The following ZHX3 variants were observed in gnomAD, a reference collection of about 807,000 sequenced individuals.
ZHX3 encodes zinc fingers and homeoboxes protein 3.
ZHX3 carries 20 observed loss-of-function variants against 64.5 expected under a neutral mutation model. That is an observed-to-expected ratio of 0.31 (90% CI 0.22 to 0.45). The LOEUF (loss-of-function observed/expected upper bound fraction) is 0.45, where lower values mean the gene tolerates loss of function less well. Among genes scored for constraint, ZHX3 ranks in the 20% least tolerant of loss-of-function variants. The pLI is 1.00. For missense variants in ZHX3, 1,041 were observed against 1,195.8 expected, an observed-to-expected ratio of 0.87 and a Z score of 1.91; for synonymous variants, 423 against 461.6, an observed-to-expected ratio of 0.92 and a Z score of 1.07.
chr20:41,218,727 T>A lies in ZHX3; in HGVS notation c.-150-13661A>T, dbSNP rs907755353. Among the ~76,000 whole-genome samples the A allele has an allele frequency of 1.1e-4, 17 of 152,140 alleles. 1 individual carries two copies. Among genetic ancestry groups the A allele is most frequent in the Admixed American group, 2.0e-4 (3 of 15,274 alleles). On this transcript the variant is annotated intron_variant, in intron 2 of 3. Coordinates refer to ENST00000683867, the MANE Select transcript of ZHX3 (RefSeq NM_001384317.1). ...GATGTGCTGGTTGCAATTGTCAGAT[T>A]TCTGCTGAAAACAAAAAAGTTACAA...
chr20:41,229,906 G>A (rs1372550274), intron 2 of ZHX3, among the ~76,000 whole-genome samples: 3 of 152,050 alleles, frequency 2.0e-5, no homozygotes, highest in Non-Finnish European at 4.4e-5. Flanking sequence ...TTAGGTCTTC[G>A]ATTCATTTTG....
intron 1 of ZHX3, among the ~76,000 whole-genome samples, chr20:41,286,844 T>C (rs2043961045): frequency 6.6e-6 from 1 of 152,200 alleles, no homozygotes; most frequent in African/African-American, 2.4e-5. Flanking sequence ...TTCTCCATGC[T>C]GTTCTCATGA....
Position 41,202,421 on chromosome 20 carries a change from T to C in ZHX3, c.2496A>G (p.Arg832=), listed in dbSNP as rs1180479492. ...CCAGTAGCCCTGGTGGGAAGTTGCCTCGCTTATAGTCTTCGTACCATTTGA... is the reference window on the plus strand; with the variant it reads ...CCAGTAGCCCTGGTGGGAAGTTGCCCCGCTTATAGTCTTCGTACCATTTGA... ...GQLKWYEDYK[R]GNFPPGLLVI... is the part of the protein sequence containing the mutation. Residue 832 remains arginine, a synonymous_variant, in exon 3 of 4, where the codon CGA becomes CGG. Coordinates refer to ENST00000683867, the MANE Select transcript of ZHX3 (RefSeq NM_001384317.1). The surrounding 1 kb of genome is among the most constrained non-coding windows in gnomAD (Gnocchi z 7.0). 1.1e-5 allele frequency: 17 copies of C among 1,614,012 alleles called. No individual in the cohort carries two copies. Among genetic ancestry groups the C allele is most frequent in the Non-Finnish European group, 1.4e-5 (17 of 1,179,994 alleles).
intron 1 of ZHX3, among the ~76,000 whole-genome samples, chr20:41,276,322 C>G (rs940831030): frequency 6.6e-6 from 1 of 151,996 alleles, no homozygotes; most frequent in African/African-American, 2.4e-5. Context: ...AGAGTATATC[C>G]TAGTACTCCT....
In ZHX3 at chr20:41,202,534, C is replaced by A; in HGVS notation, c.2383G>T (p.Asp795Tyr). 6.2e-7 allele frequency: 1 copy of A among 1,614,192 alleles called. No individual in the cohort carries two copies. Among genetic ancestry groups the A allele is most frequent in the South Asian group, 1.1e-5 (1 of 91,072 alleles). ...AGACCCGTCTGGGCCATGATGGAGT[C>A]ATAGTCCTGGTTGCTTGGCCACTGT... ...QTQWPSNQDY[D>Y]SIMAQTGLPR... The change falls in exon 3 of 4, where the codon GAC (aspartate) becomes TAC (tyrosine). Residue 795 changes from aspartate (D) to tyrosine (Y), a missense_variant. This residue lies in a region of ZHX3 where 649 missense variants were observed against 739.8 expected (regional missense o/e 0.88). Transcript: ENST00000683867. This position sits in a 1 kb window ranked among gnomAD's most constrained non-coding sequence, Gnocchi z 7.0.
At chr20:41,313,377 G>T (rs980352746) in intron 1 of ZHX3, among the ~76,000 whole-genome samples, 5 of 152,046 alleles carry the variant, frequency 3.3e-5, no homozygotes, top group Admixed American at 2.6e-4. Flanking sequence ...GGGGTTCTAG[G>T]GTCCTGGGAA....
chr20:41,210,582 C>G (rs1457262766), intron 2 of ZHX3, among the ~76,000 whole-genome samples: 1 of 152,258 alleles, frequency 6.6e-6, no homozygotes, highest in Admixed American at 6.5e-5. Flanking sequence ...TCATTCTGAG[C>G]AAACTATCAC....
chr20:41,283,155 C>A (rs141937946), intron 1 of ZHX3, among the ~76,000 whole-genome samples: 2 of 152,274 alleles, frequency 1.3e-5, no homozygotes, highest in East Asian at 3.9e-4. Flanking sequence ...GTGATACACT[C>A]GCCTTGGCCT....
At chr20:41,205,887 G>A (rs569656771) in intron 2 of ZHX3, among the ~76,000 whole-genome samples, 3 of 152,286 alleles carry the variant, frequency 2.0e-5, no homozygotes, top group Non-Finnish European at 2.9e-5. Flanking sequence ...TAACTGGGAG[G>A]CACCTCCCAG....
intron 2 of ZHX3, among the ~76,000 whole-genome samples, chr20:41,234,817 G>A (rs1039401230): frequency 6.6e-6 from 1 of 152,212 alleles, no homozygotes; most frequent in African/African-American, 2.4e-5. Context: ...CTTCCTGCTG[G>A]CATTCTAGAA....
At position 41,179,625 on chromosome 20, in the gene ZHX3, C is replaced by G. The variant is rs1312633016; in HGVS notation, c.*5566G>C. The G allele has an allele frequency of 1.3e-5, 2 of 150,850 alleles. No homozygotes were observed. Among genetic ancestry groups the G allele is most frequent in the African/African-American group, 2.5e-5 (1 of 40,520 alleles). 9.3% of individuals were successfully genotyped at this position (150,850 alleles called of 1,614,324 possible). On this transcript the variant is annotated 3_prime_UTR_variant, in exon 4 of 4. Transcript: ENST00000683867. This position sits in a 1 kb window ranked among gnomAD's most constrained non-coding sequence, Gnocchi z 4.3. ...GACATTTCACTTTTAACTCCAGTCA[C>G]ATTAAGTTTTTTTTTTTTTTTTGAG...
intron 3 of ZHX3, among the ~76,000 whole-genome samples, chr20:41,193,684 G>GTTT (rs892325651): frequency 3.5e-5 from 5 of 144,298 alleles, no homozygotes; most frequent in African/African-American, 1.3e-4. Flanking sequence ...GTGGATTCAA[G>GTTT]TTTTTTTTTT....
chr20:41,245,510 A>G (rs1174035053), intron 2 of ZHX3, among the ~76,000 whole-genome samples: 1 of 152,232 alleles, frequency 6.6e-6, no homozygotes, highest in Non-Finnish European at 1.5e-5. Context: ...AGGGAGCAAG[A>G]GTTAACGCTG....
intron 1 of ZHX3, among the ~76,000 whole-genome samples, chr20:41,295,706 C>G (rs2044476159): frequency 6.6e-6 from 1 of 152,022 alleles, no homozygotes; most frequent in Non-Finnish European, 1.5e-5. Flanking sequence ...AAAAAGTTAG[C>G]CAGGCGTGGT....
Position 41,316,025 on chromosome 20 carries a change from C to A in ZHX3, c.-245+1484G>T, listed in dbSNP as rs1453609025. Among the ~76,000 whole-genome samples the A allele has an allele frequency of 2.6e-3, 377 of 147,680 alleles. 3 individuals carry two copies. Among genetic ancestry groups the A allele is most frequent in the Non-Finnish European group, 2.4e-3 (162 of 66,826 alleles). ...TACTTCAATATGAAAAAAAAAAAAACAAACTCAAAACCAAAAACCAAAACA... is the reference window on the plus strand; with the variant it reads ...TACTTCAATATGAAAAAAAAAAAAAAAAACTCAAAACCAAAAACCAAAACA... On this transcript the variant is annotated intron_variant, in intron 1 of 3. Transcript: ENST00000683867.
At chr20:41,205,942 T>A (rs2038674850) in intron 2 of ZHX3, among the ~76,000 whole-genome samples, 1 of 152,194 alleles carries the variant, frequency 6.6e-6, no homozygotes, top group South Asian at 2.1e-4. Flanking sequence ...CCCTCTGAGA[T>A]GAAGCTTCCA....
chr20:41,196,664 C>A (rs1480395462), intron 3 of ZHX3: 1 of 148,734 alleles, frequency 6.7e-6, no homozygotes, highest in Non-Finnish European at 1.4e-5. Context: ...ATTTTGTGTG[C>A]CTTTTTCAAA....
At chr20:41,236,089 G>T (rs2040964251) in intron 2 of ZHX3, among the ~76,000 whole-genome samples, 1 of 152,134 alleles carries the variant, frequency 6.6e-6, no homozygotes, top group Admixed American at 6.5e-5. Context: ...TCTTCAAGGA[G>T]AACTACAGAC....
At chr20:41,240,683 G>A (rs1441340266) in intron 2 of ZHX3, among the ~76,000 whole-genome samples, 2 of 151,944 alleles carry the variant, frequency 1.3e-5, no homozygotes, top group African/African-American at 4.8e-5. Context: ...CCAGCCTCTG[G>A]TAACCATCCT....
Sources: gnomAD v4.1 joint callset for allele counts (sites outside exome capture counted in the v4.1 genomes callset) on GRCh38, gnomAD v4.1.1 for gene constraint, gnomAD v4.1.1 regional missense constraint, Gnocchi (gnomAD v3.1) non-coding constraint, MANE v1.5 for transcripts, NCBI Gene and HGNC (gene_info 2026-07-23, HGNC 2026-07-21) for gene names.